CHD5: variants seen among roughly 807,000 people sequenced by gnomAD.
CHD5 encodes the protein chromodomain helicase DNA binding protein 5.
CHD5 carries 69 observed loss-of-function variants against 230.3 expected under a neutral mutation model. The ratio of observed to expected loss-of-function variants is 0.30; its 90% CI spans 0.25 to 0.37. The LOEUF is 0.37. CHD5 is among the 10% of genes least tolerant of loss of function. The pLI, the probability that CHD5 is intolerant of heterozygous loss-of-function variation, is 1.00. For synonymous variants in CHD5, 1,064 were observed against 1,065.9 expected (o/e 1.00, Z 0.03); for missense variants, 1,827 against 2,622.8 (o/e 0.70, Z 6.63).
chr1:6,115,778 T>C (rs1666369697), intron 33 of CHD5, among the ~76,000 whole-genome samples: 1 of 152,202 alleles, frequency 6.6e-6, no homozygotes, highest in Non-Finnish European at 1.5e-5. Context: ...AACCTTGTGA[T>C]ATCCTGAGCA....
At chr1:6,163,430 C>G (rs1667208305) in intron 2 of CHD5, among the ~76,000 whole-genome samples, 1 of 152,234 alleles carries the variant, frequency 6.6e-6, no homozygotes, top group Non-Finnish European at 1.5e-5. Context: ...CACCTGAACC[C>G]TCCTCCCCTA....
chr1:6,131,631 C>G lies in CHD5; in HGVS notation c.3262G>C (p.Ala1088Pro), dbSNP rs1481788520. The G allele has an allele frequency of 6.4e-7, 1 of 1,561,982 alleles. No homozygotes were observed. The highest frequency in any genetic ancestry group is 2.2e-5 in the East Asian group (1 of 44,628). ...GAACCCTTGGGCAGGATGGGGGTAC[C>G]ATTGAATCTGTCGATTGCCTCCTGC... is the stretch of plus-strand genomic sequence containing the variant. Reference protein sequence around the residue: ...LRQEAIDRFNAPGAQQFCFLL... With the variant: ...LRQEAIDRFNPPGAQQFCFLL... The change falls in exon 21 of 42, where the codon GCC (alanine) becomes CCC (proline). Residue 1088 changes from alanine (A) to proline (P), a missense_variant and splice_region_variant. Ala to Pro is a conservative substitution (Grantham distance 27, BLOSUM62 -1). Transcript: ENST00000262450. This position sits in a 1 kb window ranked among gnomAD's most constrained non-coding sequence, Gnocchi z 5.0.
Position 6,142,132 on chromosome 1 carries a change from A to C in CHD5, c.2432T>G (p.Met811Arg). 6.2e-7 allele frequency: 1 copy of C among 1,613,864 alleles called. No homozygotes were observed. Among genetic ancestry groups the C allele is most frequent in the Non-Finnish European group, 8.5e-7 (1 of 1,179,776 alleles). The part of the protein sequence containing the change: ...AIRSGKKVFR[M>R]KKEVQIKFHV... The stretch of plus-strand genomic sequence containing the variant: ...CCAAGGATAGCGAGCCCTCACCTTC[A>C]TACGGAATACCTTCTTCCCACTCCG... Residue 811 changes from methionine (M) to arginine (R), a missense_variant, in exon 15 of 42, where the codon ATG becomes AGG. Transcript: ENST00000262450. This position sits in a 1 kb window ranked among gnomAD's most constrained non-coding sequence, Gnocchi z 5.2.
At chr1:6,166,820 T>C (rs1000066166) in intron 2 of CHD5, among the ~76,000 whole-genome samples, 1 of 152,054 alleles carries the variant, frequency 6.6e-6, no homozygotes, top group Non-Finnish European at 1.5e-5. Flanking sequence ...CCTGCCAGGA[T>C]GTCATGTCAT....
chr1:6,157,087 G>A (rs1177396462), intron 3 of CHD5, among the ~76,000 whole-genome samples: 1 of 152,232 alleles, frequency 6.6e-6, no homozygotes, highest in Non-Finnish European at 1.5e-5. Context: ...GCAATTGTTA[G>A]CACCCAACCC....
At chr1:6,144,339 C>G (rs144746792) in intron 11 of CHD5, among the ~76,000 whole-genome samples, 184 bp from the exon 12 acceptor site, 102 of 152,274 alleles carry the variant, frequency 6.7e-4, no homozygotes, top group African/African-American at 2.2e-3. Context: ...TGGGGCCACA[C>G]AGCGAATGAG....
intron 18 of CHD5, 88 bp downstream of exon 18, chr1:6,135,142 G>A: frequency 6.8e-7 from 1 of 1,470,562 alleles, no homozygotes; most frequent in Non-Finnish European, 9.5e-7. Flanking sequence ...AGGCTGAAGA[G>A]CCCTCCGCCC....
chr1:6,160,261 C>T lies in CHD5; in HGVS notation c.208-746G>A, dbSNP rs1272748619. 1.6e-4 allele frequency among the ~76,000 whole-genome samples: 15 copies of T among 92,680 alleles called. 1 individual carries two copies. The highest frequency in any genetic ancestry group is 6.0e-3 in the Middle Eastern group (1 of 168). 60.8% of individuals were successfully genotyped at this position (92,680 alleles called of 152,430 possible). A position where few individuals can be genotyped will look rare whatever the true frequency, so the allele number is the denominator to read the frequency against. Reference sequence around the variant, plus strand: ...GGCCCCAGCCAGAGAAGGAGAGCCCCAGCCAGGGAAGGGCCCCAGCCAGAG... The same window carrying T: ...GGCCCCAGCCAGAGAAGGAGAGCCCTAGCCAGGGAAGGGCCCCAGCCAGAG... On this transcript the variant is annotated intron_variant, in intron 2 of 41. Coordinates refer to ENST00000262450, the MANE Select transcript of CHD5 (RefSeq NM_015557.3).
At chr1:6,115,769 A>G (rs1666369557) in intron 33 of CHD5, among the ~76,000 whole-genome samples, 1 of 152,156 alleles carries the variant, frequency 6.6e-6, no homozygotes, top group Admixed American at 6.5e-5. Context: ...GATGTCCTGA[A>G]CCTTGTGATA....
rs1666637046 is a variant in CHD5, at chr1:6,130,453, C to T, written c.3263-125G>A. 2.2e-6 allele frequency: 2 copies of T among 907,950 alleles called. No homozygotes were observed. The highest frequency in any genetic ancestry group is 2.7e-5 in the East Asian group (1 of 37,650). The allele number at this position is 907,950 out of a possible 1,614,324, so 56.2% of individuals were successfully genotyped here. On this transcript the variant is annotated intron_variant, in intron 21 of 41. Transcript: ENST00000262450. The surrounding 1 kb of genome is among the most constrained non-coding windows in gnomAD (Gnocchi z 4.9). The stretch of plus-strand genomic sequence containing the variant: ...AGATCCCTGGCAGAGAAGGACAAAG[C>T]CGGAGACCCCATCAGAGACGGGTGG...
At chr1:6,132,333 CTGT>C (rs1425704722) in intron 20 of CHD5, among the ~76,000 whole-genome samples, 2 of 152,208 alleles carry the variant, frequency 1.3e-5, no homozygotes, top group East Asian at 1.9e-4. Flanking sequence ...TCTCTGCCAC[CTGT>C]TGTTGTTAAG....
At chr1:6,170,816 G>A (rs897643519) in intron 1 of CHD5, among the ~76,000 whole-genome samples, 7 of 152,224 alleles carry the variant, frequency 4.6e-5, no homozygotes, top group African/African-American at 7.2e-5. Context: ...CCTCGGAGTC[G>A]TCCTGCAGAG....
rs1050491529 is a variant in CHD5 at position 6,127,987 on chromosome 1, GGGGCGGGGCTGCGGATGGA to G, written c.3903+40_3903+58del. ...ACAGTGGAAGGCGTGGACACAGTGG[GGGGCGGGGCTGCGGATGGA>G]GGGCGGGGCTGCGGATGGAGGGCGG... On this transcript the variant is annotated intron_variant, in intron 25 of 41. Coordinates refer to ENST00000262450, the MANE Select transcript of CHD5 (RefSeq NM_015557.3). 2.0e-4 allele frequency: 280 copies of G among 1,432,162 alleles called. 2 individuals carry two copies. The South Asian group carries it at 2.9e-3, about 15-fold the overall frequency. The allele number at this position is 1,432,162 out of a possible 1,614,324, so 88.7% of individuals were successfully genotyped here.
In CHD5 at chr1:6,136,793, C is replaced by G. The variant is rs773676884; in HGVS notation, c.2509G>C (p.Gly837Arg). 10 of 1,613,868 alleles carry G rather than the reference C, an allele frequency of 6.2e-6. No homozygotes were observed. Among genetic ancestry groups the G allele is most frequent in the Non-Finnish European group, 8.5e-6 (10 of 1,179,824 alleles). ...ACCAGGCAGGCCCACTCGATGGAGC[C>G]CAGGATGGCCTGGTCAATGGTGATG... ...ELITIDQAIL[G>R]SIEWACLVVD... Residue 837 changes from glycine (G) to arginine (R), a missense_variant, in exon 16 of 42, where the codon GGC (glycine) becomes CGC (arginine). By Grantham distance (125) the Gly-to-Arg change is moderately radical. Coordinates refer to ENST00000262450, the MANE Select transcript of CHD5 (RefSeq NM_015557.3).
intron 9 of CHD5, among the ~76,000 whole-genome samples, chr1:6,148,278 G>T (rs1393376244): frequency 6.6e-6 from 1 of 152,052 alleles, no homozygotes. Flanking sequence ...CGGATGGGGG[G>T]TGCCCCTCTT....
chr1:6,110,893 T>C (rs1025602799), intron 36 of CHD5, among the ~76,000 whole-genome samples: 1 of 152,190 alleles, frequency 6.6e-6, no homozygotes. Flanking sequence ...CATGCTGGAC[T>C]AGGGTGGGCC....
chr1:6,166,989 C>T (rs1019923616), intron 2 of CHD5, among the ~76,000 whole-genome samples: 2 of 152,176 alleles, frequency 1.3e-5, no homozygotes, highest in African/African-American at 4.8e-5. Flanking sequence ...CTAAGCTCTT[C>T]TGGCAGCCAC....
At chr1:6,108,852 G>A (rs1171435855) in intron 38 of CHD5, among the ~76,000 whole-genome samples, 2 of 142,518 alleles carry the variant, frequency 1.4e-5, no homozygotes, top group Non-Finnish European at 3.1e-5. Context: ...AAAGAATAGA[G>A]GGATGGAGGG....
At chr1:6,170,218 G>A (rs1269756769) in intron 1 of CHD5, among the ~76,000 whole-genome samples, 4 of 152,080 alleles carry the variant, frequency 2.6e-5, no homozygotes, top group Non-Finnish European at 4.4e-5. Flanking sequence ...CACACGCTCA[G>A]ACACACTCGC....
Sources: gnomAD v4.1 joint callset for allele counts (sites outside exome capture counted in the v4.1 genomes callset) on GRCh38, gnomAD v4.1.1 for gene constraint, Gnocchi (gnomAD v3.1) non-coding constraint, MANE v1.5 for transcripts, NCBI Gene and HGNC (gene_info 2026-07-23, HGNC 2026-07-21) for gene names.